The following C1orf21 variants were observed in gnomAD, a reference collection of about 807,000 sequenced individuals.
C1orf21 encodes chromosome 1 open reading frame 21, also known as uncharacterized protein C1orf21.
In C1orf21, 3 loss-of-function variants were observed where a neutral mutation model predicts 18.7. The observed-to-expected ratio is 0.16, with a 90% confidence interval of 0.07 to 0.42. C1orf21 has a LOEUF of 0.42. Among genes scored for constraint, C1orf21 ranks in the 10% least tolerant of loss-of-function variants. C1orf21 has a pLI of 0.99. For missense variants in C1orf21, 104 were observed against 143.6 expected, an observed-to-expected ratio of 0.72 and a Z score of 1.41; for synonymous variants, 41 against 46.4, an observed-to-expected ratio of 0.88 and a Z score of 0.47.
chr1:184,391,987 C>T (rs902564674), intron 1 of C1orf21, among the ~76,000 whole-genome samples: 1 of 152,162 alleles, frequency 6.6e-6, no homozygotes. Context: ...GGATTACAGG[C>T]GTGAGCCACC....
chr1:184,596,690 T>C lies in C1orf21; in HGVS notation c.267-1711T>C, dbSNP rs532177788. Among the ~76,000 whole-genome samples, 24 of 152,114 alleles carry C rather than the reference T, an allele frequency of 1.6e-4. No homozygotes were observed. In the East Asian group the frequency reaches 4.5e-3, roughly 28 times the overall value. On this transcript the variant is annotated intron_variant, in intron 4 of 5. Transcript: ENST00000235307. Reference sequence around the variant, plus strand: ...TTCAAGACTAGCCTGGCCAACATGGTGAAACCTCATCTATACTAAAAATAC... The same window carrying C: ...TTCAAGACTAGCCTGGCCAACATGGCGAAACCTCATCTATACTAAAAATAC...
intron 1 of C1orf21, among the ~76,000 whole-genome samples, chr1:184,457,384 C>T (rs1221117694): frequency 6.6e-6 from 1 of 152,046 alleles, no homozygotes; most frequent in African/African-American, 2.4e-5. Context: ...GAGAAGCAAA[C>T]AAAATGCTAT....
chr1:184,399,920 T>C (rs1020656689), intron 1 of C1orf21, among the ~76,000 whole-genome samples: 4 of 152,230 alleles, frequency 2.6e-5, no homozygotes, highest in Non-Finnish European at 5.9e-5. Context: ...ATATAGTTTA[T>C]GTAGGAAAAT....
chr1:184,492,290 T>C (rs1657827986), intron 2 of C1orf21, among the ~76,000 whole-genome samples: 1 of 152,158 alleles, frequency 6.6e-6, no homozygotes, highest in Non-Finnish European at 1.5e-5. Flanking sequence ...TTCTGCGTCT[T>C]GGGAGTGAGT....
At chr1:184,395,891 A>G (rs1656042921) in intron 1 of C1orf21, among the ~76,000 whole-genome samples, 1 of 152,252 alleles carries the variant, frequency 6.6e-6, no homozygotes, top group South Asian at 2.1e-4. Context: ...CCTCCAGGAC[A>G]CTGCTTACAT....
intron 1 of C1orf21, among the ~76,000 whole-genome samples, chr1:184,470,368 G>GAA (rs34678440): frequency 1.6e-3 from 238 of 151,626 alleles, no homozygotes; most frequent in African/African-American, 5.5e-3. Flanking sequence ...AAACAGTCCA[G>GAA]AAAAAAAAGG....
intron 1 of C1orf21, among the ~76,000 whole-genome samples, chr1:184,391,596 T>C (rs2101952368): frequency 6.6e-6 from 1 of 152,370 alleles, no homozygotes; most frequent in South Asian, 2.1e-4. Context: ...AATAAATGTG[T>C]ATGGTAGTTT....
rs116151839 is a variant in C1orf21, at chr1:184,404,813, C to T, written c.-125+17445C>T. Among the ~76,000 whole-genome samples the T allele has an allele frequency of 4.7e-3, 718 of 152,292 alleles. 4 individuals carry two copies. The highest frequency in any genetic ancestry group is 0.016 in the African/African-American group (674 of 41,558). On this transcript the variant is annotated intron_variant, in intron 1 of 5. Coordinates refer to ENST00000235307, the MANE Select transcript of C1orf21 (RefSeq NM_030806.4). ...TTTCTTTAGTGCCATTAAACAGTCA[C>T]TCTCTACCCCCTCGTGATGCGTCCT...
At chr1:184,567,068 A>T in intron 3 of C1orf21, 1 of 492,264 alleles carries the variant, frequency 2.0e-6, no homozygotes, top group Non-Finnish European at 4.1e-6. Flanking sequence ...TCTGAAAAAC[A>T]TCCTTGAGAA....
At position 184,626,956 on chromosome 1, in the gene C1orf21, C is replaced by G. The variant is rs1323606238; in HGVS notation, c.*7400C>G. 6.6e-6 allele frequency: 1 copy of G among 152,560 alleles called. No individual in the cohort carries two copies. The highest frequency in any genetic ancestry group is 1.5e-5 in the Non-Finnish European group (1 of 68,052). The allele number at this position is 152,560 out of a possible 1,614,324, so 9.5% of individuals were successfully genotyped here. A position where few individuals can be genotyped will look rare whatever the true frequency, so the allele number is the denominator to read the frequency against. On this transcript the variant is annotated 3_prime_UTR_variant, in exon 6 of 6. Transcript: ENST00000235307. ...AGGGCTTCCCTGTCTAGTGTGTGATCCTAACTAAAGGCAGCTCTCTTGGAC... is the reference window on the plus strand; with the variant it reads ...AGGGCTTCCCTGTCTAGTGTGTGATGCTAACTAAAGGCAGCTCTCTTGGAC...
chr1:184,554,748 A>G (rs906436448), intron 3 of C1orf21, among the ~76,000 whole-genome samples: 64 of 152,382 alleles, frequency 4.2e-4, no homozygotes, highest in Non-Finnish European at 5.9e-5. Flanking sequence ...ACAGAATAAA[A>G]TCTAAGTAAA....
chr1:184,423,711 C>T (rs1055069842), intron 1 of C1orf21, among the ~76,000 whole-genome samples: 1 of 152,160 alleles, frequency 6.6e-6, no homozygotes, highest in Non-Finnish European at 1.5e-5. Flanking sequence ...TCACTTCTTC[C>T]TTAAGCAGCT....
chr1:184,463,318 T>A (rs1657336726), intron 1 of C1orf21, among the ~76,000 whole-genome samples: 1 of 152,104 alleles, frequency 6.6e-6, no homozygotes, highest in Admixed American at 6.5e-5. Flanking sequence ...ACTCCTTTTC[T>A]ACTAAATTTT....
chr1:184,504,488 C>T (rs372744160), intron 2 of C1orf21, among the ~76,000 whole-genome samples: 3 of 152,170 alleles, frequency 2.0e-5, no homozygotes, highest in East Asian at 3.8e-4. Flanking sequence ...GTTTTACTGT[C>T]GTAACCCAAA....
At chr1:184,502,398 C>T (rs1034726242) in intron 2 of C1orf21, among the ~76,000 whole-genome samples, 2 of 152,268 alleles carry the variant, frequency 1.3e-5, no homozygotes, top group Admixed American at 6.5e-5. Flanking sequence ...TCAATACCAC[C>T]GTCATGGGAA....
Position 184,387,699 on chromosome 1 carries a change from G to C in C1orf21, c.-125+331G>C, listed in dbSNP as rs1258868645. 6.6e-6 allele frequency among the ~76,000 whole-genome samples: 1 copy of C among 152,192 alleles called. No homozygotes were observed. The highest frequency in any genetic ancestry group is 1.5e-5 in the Non-Finnish European group (1 of 68,038). Reference sequence around the variant, plus strand: ...ATCGAGGCCTGGGTGGCTGGTGTTAGACACCCCTCCCTTCCCACCCGCACC... The same window carrying C: ...ATCGAGGCCTGGGTGGCTGGTGTTACACACCCCTCCCTTCCCACCCGCACC... On this transcript the variant is annotated intron_variant, in intron 1 of 5. Transcript: ENST00000235307. The surrounding 1 kb of genome is among the most constrained non-coding windows in gnomAD (Gnocchi z 5.6).
intron 5 of C1orf21, among the ~76,000 whole-genome samples, chr1:184,610,322 G>A (rs569145951): frequency 2.4e-4 from 37 of 152,306 alleles, no homozygotes; most frequent in African/African-American, 8.7e-4. Flanking sequence ...GAGTTGAAGC[G>A]CAGTGAGACC....
chr1:184,462,725 A>G (rs576479845), intron 1 of C1orf21, among the ~76,000 whole-genome samples: 1 of 152,314 alleles, frequency 6.6e-6, no homozygotes, highest in East Asian at 1.9e-4. Flanking sequence ...TTGTAAGAAA[A>G]TGTTATTACA....
At position 184,625,139 on chromosome 1, in the gene C1orf21, G is replaced by GCCCT. The variant is rs1659987338; in HGVS notation, c.*5585_*5588dup. 1 of 152,186 alleles carries GCCCT rather than the reference G, an allele frequency of 6.6e-6. No individual in the cohort carries two copies. Among genetic ancestry groups the GCCCT allele is most frequent in the African/African-American group, 2.4e-5 (1 of 41,432 alleles). The allele number at this position is 152,186 out of a possible 1,614,324, so 9.4% of individuals were successfully genotyped here. A position where few individuals can be genotyped will look rare whatever the true frequency, so the allele number is the denominator to read the frequency against. ...TGAAGGCTTCATTCTGATAGTGTCT[G>GCCCT]CCCTCTCTACCCTGATTTCGCCCTT... is the stretch of plus-strand genomic sequence containing the variant. On this transcript the variant is annotated 3_prime_UTR_variant, in exon 6 of 6. Coordinates refer to ENST00000235307, the MANE Select transcript of C1orf21 (RefSeq NM_030806.4).
Sources: gnomAD v4.1 joint callset for allele counts (sites outside exome capture counted in the v4.1 genomes callset) on GRCh38, gnomAD v4.1.1 for gene constraint, Gnocchi (gnomAD v3.1) non-coding constraint, MANE v1.5 for transcripts, NCBI Gene and HGNC (gene_info 2026-07-23, HGNC 2026-07-21) for gene names.